The following GLIS3 variants were observed in gnomAD, a reference collection of about 807,000 sequenced individuals.
The protein encoded by GLIS3 is zinc finger protein GLIS3.
A neutral mutation model predicts 78.6 loss-of-function variants in GLIS3; 53 were observed. The ratio of observed to expected loss-of-function variants is 0.67; its 90% confidence interval spans 0.54 to 0.85. The LOEUF is 0.85. Among genes scored for constraint, GLIS3 ranks in the 40% least tolerant of loss-of-function variants. The pLI is 0.00. For synonymous variants in GLIS3, 684 were observed against 509.9 expected, an observed-to-expected ratio of 1.34 and a Z score of -4.60; for missense variants, 1,703 against 1,231.1, an observed-to-expected ratio of 1.38 and a Z score of -5.74.
chr9:4,378,015 G>A, the GLIS3 span, among the ~76,000 whole-genome samples: 1 of 152,172 alleles, frequency 6.6e-6, no homozygotes, highest in African/African-American at 2.4e-5. Context: ...TTATGTGTAT[G>A]AGGCTTAACT....
chr9:4,297,531 T>C (rs1422686218), intron 1 of GLIS3, among the ~76,000 whole-genome samples: 1 of 152,056 alleles, frequency 6.6e-6, no homozygotes, highest in East Asian at 1.9e-4. Context: ...GCCCCAACTC[T>C]CGGGAGATGC....
At chr9:4,334,538 G>A (rs1240829953) in intron 2 of GLIS3, among the ~76,000 whole-genome samples, 1 of 152,190 alleles carries the variant, frequency 6.6e-6, no homozygotes, top group Non-Finnish European at 1.5e-5. Context: ...GCAGTGCCAG[G>A]GCTCTTGCTC....
At chr9:4,291,264 C>T (rs1055742153) in intron 1 of GLIS3, among the ~76,000 whole-genome samples, 2 of 152,016 alleles carry the variant, frequency 1.3e-5, no homozygotes, top group Admixed American at 6.6e-5. Context: ...CTGAGTTATA[C>T]CAACTGAAGA....
chr9:4,222,641 G>C (rs1241468052), intron 2 of GLIS3, among the ~76,000 whole-genome samples: 1 of 152,210 alleles, frequency 6.6e-6, no homozygotes, highest in Non-Finnish European at 1.5e-5. Context: ...TTGCAGGCAA[G>C]TGTTTGGATG....
At chr9:4,084,029 G>T (rs887354574) in intron 4 of GLIS3, among the ~76,000 whole-genome samples, 5 of 152,104 alleles carry the variant, frequency 3.3e-5, no homozygotes, top group African/African-American at 1.2e-4. Flanking sequence ...GCTGCTCAAG[G>T]CTCTGTTACC....
chr9:3,897,330 G>A, intron 7 of GLIS3, among the ~76,000 whole-genome samples: 1 of 152,076 alleles, frequency 6.6e-6, no homozygotes, highest in East Asian at 1.9e-4. Flanking sequence ...ATGCTTTATA[G>A]GCTGTTTAAA....
chr9:4,444,828 A>C, the GLIS3 span, among the ~76,000 whole-genome samples: 1 of 152,238 alleles, frequency 6.6e-6, no homozygotes, highest in Admixed American at 6.5e-5. Context: ...ATTGCTTCAA[A>C]GATTTCATGC....
chr9:3,863,218 C>T (rs1588111256), intron 8 of GLIS3, among the ~76,000 whole-genome samples: 1 of 152,314 alleles, frequency 6.6e-6, no homozygotes, highest in Non-Finnish European at 1.5e-5. Context: ...CTGGCTGACT[C>T]ATCTGGGTGA....
intron 7 of GLIS3, among the ~76,000 whole-genome samples, chr9:3,884,184 C>A (rs1236435653): frequency 6.6e-6 from 1 of 152,140 alleles, no homozygotes; most frequent in Non-Finnish European, 1.5e-5. Flanking sequence ...ATCTATATTT[C>A]TAATGGGTAT....
chr9:4,132,914 G>C (rs1046765821), intron 2 of GLIS3, among the ~76,000 whole-genome samples: 1 of 152,134 alleles, frequency 6.6e-6, no homozygotes, highest in African/African-American at 2.4e-5. Context: ...CTGTGCCTCA[G>C]CGTACTGTTC....
rs1227142847 is a variant in GLIS3, at chr9:4,118,412, C to T, written c.1066G>A (p.Gly356Ser). The change falls in exon 4 of 11, where the codon GGC becomes AGC. Residue 356 changes from glycine to serine, a missense_variant. Transcript: ENST00000381971. The surrounding 1 kb of genome is among the most constrained non-coding windows in gnomAD (Gnocchi z 4.7). ...GGGCGCGGCTGGGGAATGCAGCTGC[C>T]GCGCACGCCCAGGAAATGCCCGTAG... ...EVYGHFLGVR[G>S]SCIPQPRPVP... 9 of 1,607,976 alleles carry T rather than the reference C, an allele frequency of 5.6e-6. No individual in the cohort carries two copies. Among genetic ancestry groups the T allele is most frequent in the Non-Finnish European group, 7.6e-6 (9 of 1,179,562 alleles).
At chr9:3,886,017 C>A (rs1822049192) in intron 7 of GLIS3, among the ~76,000 whole-genome samples, 2 of 152,204 alleles carry the variant, frequency 1.3e-5, no homozygotes, top group Admixed American at 1.3e-4. Flanking sequence ...AAACACTGAG[C>A]ATATGCCTGA....
chr9:4,058,077 T>A (rs1384512573), intron 4 of GLIS3, among the ~76,000 whole-genome samples: 2 of 152,070 alleles, frequency 1.3e-5, no homozygotes, highest in Non-Finnish European at 2.9e-5. Context: ...AAAGAGAACA[T>A]CCCCTGATGC....
chr9:3,882,640 G>C lies in GLIS3; in HGVS notation c.2129-3045C>G, dbSNP rs1296085522. ...AGTCAAGCCCACGTCAACTGGTGTTGACTGACCACCAGTCAAGCCCACATC... is the reference window on the plus strand; with the variant it reads ...AGTCAAGCCCACGTCAACTGGTGTTCACTGACCACCAGTCAAGCCCACATC... On this transcript the variant is annotated intron_variant, in intron 7 of 10. Coordinates refer to ENST00000381971, the MANE Select transcript of GLIS3 (RefSeq NM_001042413.2). Among the ~76,000 whole-genome samples the C allele has an allele frequency of 2.6e-5, 4 of 152,272 alleles. 1 individual carries two copies. The Middle Eastern group carries it at 0.01, about 388-fold the overall frequency.
At chr9:4,415,991 T>C in the GLIS3 span, among the ~76,000 whole-genome samples, 2 of 150,786 alleles carry the variant, frequency 1.3e-5, no homozygotes, top group African/African-American at 4.8e-5. Context: ...ATATATTATA[T>C]ACATTGTTTA....
At chr9:4,105,285 A>C (rs559097292) in intron 4 of GLIS3, among the ~76,000 whole-genome samples, 8 of 152,298 alleles carry the variant, frequency 5.3e-5, no homozygotes, top group Admixed American at 3.9e-4. Flanking sequence ...AGACACCTTC[A>C]ATTAAGCCTA....
the GLIS3 span, among the ~76,000 whole-genome samples, chr9:4,487,618 A>T: frequency 1.3e-5 from 2 of 151,980 alleles, no homozygotes; most frequent in East Asian, 3.9e-4. Context: ...TTCTCCCCTC[A>T]GGAATGTTTA....
chr9:3,893,745 T>C (rs1483929504), intron 7 of GLIS3, among the ~76,000 whole-genome samples: 1 of 152,224 alleles, frequency 6.6e-6, no homozygotes, highest in African/African-American at 2.4e-5. Flanking sequence ...ACCTGGGAAC[T>C]TGTTAGAACT....
rs766654669 is a variant in GLIS3 at position 4,242,191 on chromosome 9, C to T, written c.388+43847G>A. ...ATCCAACCTGGACCCCATGAAACAG[C>T]TCCCACCTTGGTCAGTTTTGGATAA... On this transcript the variant is annotated intron_variant, in intron 2 of 10. Coordinates refer to ENST00000381971, the MANE Select transcript of GLIS3 (RefSeq NM_001042413.2). Among the ~76,000 whole-genome samples the T allele has an allele frequency of 2.6e-5, 4 of 152,210 alleles. No homozygotes were observed. The East Asian group carries it at 7.7e-4, about 29-fold the overall frequency.
Sources: gnomAD v4.1 joint callset for allele counts (sites outside exome capture counted in the v4.1 genomes callset) on GRCh38, gnomAD v4.1.1 for gene constraint, Gnocchi (gnomAD v3.1) non-coding constraint, MANE v1.5 for transcripts, NCBI Gene and HGNC (gene_info 2026-07-23, HGNC 2026-07-21) for gene names.